HDAC9: variants seen among roughly 807,000 people sequenced by gnomAD.
The protein encoded by HDAC9 is MEF-2 interacting transcription repressor (MITR) protein.
In HDAC9, 41 loss-of-function variants were observed where a neutral mutation model predicts 139.4. The ratio of observed to expected loss-of-function variants is 0.29; its 90% CI spans 0.23 to 0.38. The LOEUF (loss-of-function observed/expected upper bound fraction) is 0.38. Ranked by LOEUF, HDAC9 falls within the 10% of genes least tolerant of loss-of-function variation. HDAC9 has a pLI of 1.00. For missense variants in HDAC9, 1,147 were observed against 1,297.0 expected (o/e 0.88, Z 1.78); for synonymous variants, 517 against 476.2 (o/e 1.09, Z -1.12).
intron 6 of HDAC9, among the ~76,000 whole-genome samples, chr7:18,621,133 CATAAT>C (rs1016067454): frequency 6.6e-6 from 1 of 151,860 alleles, no homozygotes; most frequent in African/African-American, 2.4e-5. Context: ...TGGGGAAAAA[CATAAT>C]AGATTTTTAA....
rs756993981 is a variant in HDAC9, at chr7:18,459,048, A to C, written c.-41-37214A>C. 8.0e-6 allele frequency: 5 copies of C among 628,602 alleles called. No homozygotes were observed. In the Admixed American group the frequency reaches 1.2e-4, roughly 15 times the overall value. 38.9% of individuals were successfully genotyped at this position (628,602 alleles called of 1,614,324 possible). A position where few individuals can be genotyped will look rare whatever the true frequency, so the allele number is the denominator to read the frequency against. ...GCTTGACCCAGTTTTGCCACGGGCT[A>C]CTGACCAAGAGGTTGCTGTTCGGAG... is the stretch of plus-strand genomic sequence containing the variant. On this transcript the variant is annotated intron_variant, in intron 1 of 3. Coordinates refer to the HDAC9 transcript ENST00000413509.
chr7:18,534,481 A>G (rs1198195939), intron 2 of HDAC9, among the ~76,000 whole-genome samples: 4 of 152,224 alleles, frequency 2.6e-5, no homozygotes, highest in African/African-American at 9.6e-5. Flanking sequence ...TTAGAGGTCA[A>G]GGCTGAAGTG....
chr7:18,526,222 A>G (rs747061935), intron 2 of HDAC9, among the ~76,000 whole-genome samples: 4 of 152,188 alleles, frequency 2.6e-5, no homozygotes, highest in Non-Finnish European at 5.9e-5. Flanking sequence ...ATAAGTTGTT[A>G]CTATTTGAGA....
intron 2 of HDAC9, among the ~76,000 whole-genome samples, chr7:18,572,738 G>A (rs1015653682): frequency 1.1e-4 from 16 of 152,030 alleles, no homozygotes; most frequent in African/African-American, 3.9e-4. Flanking sequence ...CTAATATATA[G>A]GTTCTTAGCT....
chr7:18,136,903 C>T (rs1033761527), intron 1 of HDAC9, among the ~76,000 whole-genome samples: 1 of 151,756 alleles, frequency 6.6e-6, no homozygotes, highest in Non-Finnish European at 1.5e-5. Flanking sequence ...GCAGTATGGC[C>T]ATTTTCACGA....
At chr7:18,853,293 A>G (rs1797437853) in intron 21 of HDAC9, among the ~76,000 whole-genome samples, 1 of 152,104 alleles carries the variant, frequency 6.6e-6, no homozygotes, top group African/African-American at 2.4e-5. Flanking sequence ...CAAATGGAAG[A>G]CTTCAATCCA....
chr7:18,489,126 A>G (rs2128133421), intron 1 of HDAC9, among the ~76,000 whole-genome samples: 1 of 152,208 alleles, frequency 6.6e-6, no homozygotes, highest in East Asian at 1.9e-4. Flanking sequence ...AGAAGGAATC[A>G]TTTATTCATT....
chr7:18,908,111 C>T (rs1019141184), intron 22 of HDAC9, among the ~76,000 whole-genome samples: 2 of 151,880 alleles, frequency 1.3e-5, no homozygotes, highest in African/African-American at 4.8e-5. Context: ...CATGAAATGT[C>T]TCAAATTATG....
At chr7:18,512,423 C>A (rs1801804078) in intron 2 of HDAC9, among the ~76,000 whole-genome samples, 2 of 151,990 alleles carry the variant, frequency 1.3e-5, no homozygotes, top group Non-Finnish European at 2.9e-5. Context: ...ATTTACATGG[C>A]AAATGAAACT....
chr7:18,677,968 T>C (rs1781629572), intron 12 of HDAC9, among the ~76,000 whole-genome samples: 1 of 151,876 alleles, frequency 6.6e-6, no homozygotes, highest in Admixed American at 6.6e-5. Flanking sequence ...AAGAGCAATT[T>C]TGAGTTAATT....
intron 2 of HDAC9, among the ~76,000 whole-genome samples, chr7:18,541,141 G>GGTT (rs370291773): frequency 1.5e-5 from 1 of 65,452 alleles, no homozygotes; most frequent in African/African-American, 6.8e-5. Flanking sequence ...AAGGAACCGT[G>GGTT]TTTTTTTTTT....
At chr7:18,365,491 A>G (rs1036804818) in intron 1 of HDAC9, among the ~76,000 whole-genome samples, 2 of 152,166 alleles carry the variant, frequency 1.3e-5, no homozygotes, top group African/African-American at 4.8e-5. Context: ...ATAAAGAACT[A>G]TAACATGAAA....
intron 16 of HDAC9, among the ~76,000 whole-genome samples, chr7:18,785,826 A>G (rs1261401323): frequency 2.6e-5 from 4 of 152,126 alleles, no homozygotes; most frequent in African/African-American, 9.7e-5. Flanking sequence ...CTAGCTGAAT[A>G]ACCTCTGAAT....
At chr7:18,844,228 A>G (rs945243218) in intron 21 of HDAC9, among the ~76,000 whole-genome samples, 1 of 152,188 alleles carries the variant, frequency 6.6e-6, no homozygotes, top group Non-Finnish European at 1.5e-5. Flanking sequence ...TTGGTTATCT[A>G]AACATCTATT....
At chr7:18,718,617 C>T (rs867381785) in intron 12 of HDAC9, among the ~76,000 whole-genome samples, 8 of 152,096 alleles carry the variant, frequency 5.3e-5, no homozygotes, top group Admixed American at 1.3e-4. Flanking sequence ...TTCCTTCTTA[C>T]GGCTAGATAA....
intron 1 of HDAC9, among the ~76,000 whole-genome samples, chr7:18,422,379 C>A (rs1353468075): frequency 6.6e-6 from 1 of 152,080 alleles, no homozygotes; most frequent in Non-Finnish European, 1.5e-5. Flanking sequence ...GCAATAGCAA[C>A]AAGAGATTCA....
chr7:18,668,567 G>A, intron 12 of HDAC9: 1 of 975,692 alleles, frequency 1.0e-6, no homozygotes, highest in Non-Finnish European at 1.2e-6. Flanking sequence ...ATTTGAGAGA[G>A]TTTCATCAGT....
intron 1 of HDAC9, among the ~76,000 whole-genome samples, chr7:18,480,553 A>G (rs117771574): frequency 6.6e-6 from 1 of 152,266 alleles, no homozygotes; most frequent in Non-Finnish European, 1.5e-5. Context: ...TACCTGGGGG[A>G]TAGAGCTGCA....
In HDAC9 at chr7:18,675,156, T is replaced by G. The variant is rs911164850; in HGVS notation, c.1731+8680T>G. Among the ~76,000 whole-genome samples the G allele has an allele frequency of 2.0e-5, 3 of 152,000 alleles. No homozygotes were observed. In the South Asian group the frequency reaches 6.2e-4, roughly 32 times the overall value. On this transcript the variant is annotated intron_variant, in intron 12 of 25. Transcript: ENST00000686413. ...CTCCTTGTGCATATTTAAAGAAAAC[T>G]TACTAAATGTGGAAATTGATGTGTT...
Sources: allele counts gnomAD v4.1 joint callset (sites outside exome capture counted in the v4.1 genomes callset), GRCh38; gene constraint gnomAD v4.1.1; transcripts MANE v1.5; gene names NCBI Gene and HGNC (gene_info 2026-07-23, HGNC 2026-07-21).